SYT16: variants seen among roughly 807,000 people sequenced by gnomAD.
SYT16 encodes the protein synaptotagmin 16.
In SYT16, 42 loss-of-function variants were observed where a neutral mutation model predicts 61.4. The observed-to-expected ratio is 0.68, with a 90% confidence interval of 0.53 to 0.89. SYT16 has a LOEUF of 0.89. Ranked by LOEUF, SYT16 falls within the 40% of genes least tolerant of loss-of-function variation. SYT16 has a pLI of 0.00. For missense variants in SYT16, 804 were observed against 807.3 expected (o/e 1.00, Z 0.05); for synonymous variants, 314 against 302.3 (o/e 1.04, Z -0.40).
intron 1 of SYT16, among the ~76,000 whole-genome samples, chr14:61,841,761 T>C (rs1386526216): frequency 6.6e-6 from 1 of 152,228 alleles, no homozygotes; most frequent in Non-Finnish European, 1.5e-5. Flanking sequence ...AGTGAGAACA[T>C]GCAATGTTTG....
chr14:61,915,767 A>G (rs770105723), intron 1 of SYT16, among the ~76,000 whole-genome samples: 2 of 152,202 alleles, frequency 1.3e-5, no homozygotes, highest in African/African-American at 2.4e-5. Context: ...TGATCTTTCT[A>G]TGGTCAGAAA....
chr14:62,081,233 A>G lies in SYT16; in HGVS notation c.1393A>G (p.Met465Val). ...YLSHLHPEGE[M>V]KVTLVLEPRS... ...CAGCCACCTGCACCCAGAAGGGGAA[A>G]TGAAAGTGACTCTGGTTCTGGAGCC... The change falls in exon 6 of 8, where the codon ATG (methionine) becomes GTG (valine). Residue 465 changes from methionine to valine, a missense_variant. Transcript: ENST00000683842. The G allele has an allele frequency of 6.2e-7, 1 of 1,613,982 alleles. No individual in the cohort carries two copies. The highest frequency in any genetic ancestry group is 8.5e-7 in the Non-Finnish European group (1 of 1,179,878).
At chr14:61,844,411 C>G (rs900057927) in intron 1 of SYT16, among the ~76,000 whole-genome samples, 6 of 152,062 alleles carry the variant, frequency 3.9e-5, no homozygotes, top group African/African-American at 1.4e-4. Flanking sequence ...GCTAGGACTT[C>G]CAGTATTATG....
intron 3 of SYT16, among the ~76,000 whole-genome samples, chr14:62,014,958 C>G (rs2053610259): frequency 6.6e-6 from 1 of 152,132 alleles, no homozygotes; most frequent in Non-Finnish European, 1.5e-5. Flanking sequence ...GGTTTCATCT[C>G]CCCCAACCTT....
intron 1 of SYT16, among the ~76,000 whole-genome samples, chr14:61,958,758 G>A (rs1027421640): frequency 6.6e-6 from 1 of 151,988 alleles, no homozygotes; most frequent in Non-Finnish European, 1.5e-5. Flanking sequence ...GTATGTATCT[G>A]TTAGGTCCAT....
intron 3 of SYT16, among the ~76,000 whole-genome samples, chr14:62,028,577 A>C (rs752254997): frequency 1.8e-4 from 27 of 152,168 alleles, no homozygotes; most frequent in Non-Finnish European, 3.5e-4. Flanking sequence ...GGTGAGTTGG[A>C]AAAATTTTTA....
intron 1 of SYT16, among the ~76,000 whole-genome samples, chr14:61,930,413 G>C (rs2049717348): frequency 1.3e-5 from 2 of 152,002 alleles, no homozygotes; most frequent in East Asian, 1.9e-4. Context: ...TCACCTGGCA[G>C]CTAGGCTGCA....
At chr14:62,020,693 G>A (rs925855141) in intron 3 of SYT16, among the ~76,000 whole-genome samples, 4 of 152,194 alleles carry the variant, frequency 2.6e-5, no homozygotes, top group South Asian at 2.1e-4. Context: ...GAATCTCGGC[G>A]AAGCTTAGCT....
At chr14:61,908,489 G>A (rs917853365) in intron 1 of SYT16, among the ~76,000 whole-genome samples, 2 of 152,038 alleles carry the variant, frequency 1.3e-5, no homozygotes, top group Non-Finnish European at 2.9e-5. Flanking sequence ...TCGGGAATAG[G>A]AATTAGATGA....
At chr14:62,073,165 T>C (rs1302664813) in intron 4 of SYT16, among the ~76,000 whole-genome samples, 1 of 152,234 alleles carries the variant, frequency 6.6e-6, no homozygotes, top group African/African-American at 2.4e-5. Flanking sequence ...ATCATTCTTA[T>C]GTTTTTCAGT....
At chr14:61,982,980 A>T (rs144952602) in intron 2 of SYT16, among the ~76,000 whole-genome samples, 1 of 152,200 alleles carries the variant, frequency 6.6e-6, no homozygotes, top group Non-Finnish European at 1.5e-5. Context: ...TGTCAGCAAG[A>T]TCCTAATATT....
At chr14:61,884,536 A>G (rs116516669) in intron 1 of SYT16, among the ~76,000 whole-genome samples, 1 of 152,206 alleles carries the variant, frequency 6.6e-6, no homozygotes, top group African/African-American at 2.4e-5. Context: ...TTCTCCACTG[A>G]TTGGAAGTTG....
chr14:62,100,690 A>T lies in SYT16; in HGVS notation c.1921A>T (p.Thr641Ser). 1 of 1,613,128 alleles carries T rather than the reference A, an allele frequency of 6.2e-7. No homozygotes were observed. The highest frequency in any genetic ancestry group is 8.5e-7 in the Non-Finnish European group (1 of 1,179,388). Residue 641 changes from threonine (T) to serine (S), a missense_variant, in exon 8 of 8, where the codon ACT becomes TCT. Thr to Ser is a moderately conservative substitution (Grantham distance 58, BLOSUM62 1). Transcript: ENST00000683842. Reference sequence around the variant, plus strand: ...AGGCCAGCAGATCTGCAGATGGCACACTTTGCTGGAATCCTAGGTTTGCTA... The same window carrying T: ...AGGCCAGCAGATCTGCAGATGGCACTCTTTGCTGGAATCCTAGGTTTGCTA... Reference protein sequence around the residue: ...TKGQQICRWHTLLES With the variant: ...TKGQQICRWHSLLES
At chr14:62,020,689 C>T (rs1032948434) in intron 3 of SYT16, among the ~76,000 whole-genome samples, 4 of 152,212 alleles carry the variant, frequency 2.6e-5, no homozygotes, top group Admixed American at 1.3e-4. Flanking sequence ...CAGGGAATCT[C>T]GGCGAAGCTT....
At chr14:61,904,106 A>G (rs12589981) in intron 1 of SYT16, among the ~76,000 whole-genome samples, 36,094 of 152,082 alleles carry the variant, frequency 0.24, 5,413 homozygotes, top group East Asian at 0.43. Context: ...GCCGAATCCT[A>G]TGCATTTCCT....
At chr14:61,869,772 T>C (rs375027981) in intron 1 of SYT16, among the ~76,000 whole-genome samples, 25 of 152,266 alleles carry the variant, frequency 1.6e-4, no homozygotes, top group Middle Eastern at 3.4e-3. Context: ...GAGTTTTCTT[T>C]CCCTTTTTTT....
chr14:62,079,557 A>G (rs1325074901), intron 5 of SYT16: 1 of 166,132 alleles, frequency 6.0e-6, no homozygotes, highest in Non-Finnish European at 1.3e-5. Context: ...AGAACCATGA[A>G]CTTTCACCCA....
intron 1 of SYT16, among the ~76,000 whole-genome samples, chr14:61,882,570 G>A (rs1196638197): frequency 6.6e-6 from 1 of 152,162 alleles, no homozygotes; most frequent in Non-Finnish European, 1.5e-5. Flanking sequence ...GATTTTGGGT[G>A]AGGACCAAAC....
At chr14:61,820,477 T>TTG (rs2045581657) in intron 1 of SYT16, among the ~76,000 whole-genome samples, 1 of 130,628 alleles carries the variant, frequency 7.7e-6, no homozygotes, top group Non-Finnish European at 1.6e-5. Flanking sequence ...GAGTTTTTTT[T>TTG]TTTTTTTTTT....
Sources: gnomAD v4.1 joint callset for allele counts (sites outside exome capture counted in the v4.1 genomes callset) on GRCh38, gnomAD v4.1.1 for gene constraint, MANE v1.5 for transcripts, NCBI Gene and HGNC (gene_info 2026-07-23, HGNC 2026-07-21) for gene names.